SOX5: variants seen among roughly 807,000 people sequenced by gnomAD.
SOX5 encodes transcription factor SOX-5.
SOX5 carries 9 observed loss-of-function variants against 92.0 expected under a neutral mutation model. The ratio of observed to expected loss-of-function variants is 0.10; its 90% confidence interval spans 0.06 to 0.17. The LOEUF (loss-of-function observed/expected upper bound fraction) is 0.17, where lower values mean the gene tolerates loss of function less well. Among genes scored for constraint, SOX5 ranks in the 10% least tolerant of loss-of-function variants. The probability of loss-of-function intolerance (pLI) is 1.00; values close to 1 mark genes in which losing one functional copy is unlikely to be tolerated. For missense variants in SOX5, 642 were observed against 944.5 expected, an observed-to-expected ratio of 0.68 and a Z score of 4.20; for synonymous variants, 344 against 336.3, an observed-to-expected ratio of 1.02 and a Z score of -0.25.
chr12:23,612,895 T>G (rs1303395260), intron 8 of SOX5, among the ~76,000 whole-genome samples: 1 of 152,198 alleles, frequency 6.6e-6, no homozygotes, highest in Non-Finnish European at 1.5e-5. Context: ...CTAATGTAAC[T>G]TAAATGTGGA....
At chr12:24,442,691 G>A (rs533778319) in intron 1 of SOX5, among the ~76,000 whole-genome samples, 1 of 152,276 alleles carries the variant, frequency 6.6e-6, no homozygotes, top group South Asian at 2.1e-4. Flanking sequence ...AGAGGTGGGA[G>A]CTGTCCCAGC....
At chr12:24,126,139 C>G (rs1287993098) in intron 4 of SOX5, among the ~76,000 whole-genome samples, 1 of 152,218 alleles carries the variant, frequency 6.6e-6, no homozygotes, top group East Asian at 1.9e-4. Context: ...TGAAGTTCCT[C>G]AGGGCTATGT....
intron 6 of SOX5, 68 bp downstream of exon 6, chr12:23,734,616 T>C: frequency 1.8e-6 from 2 of 1,136,870 alleles, no homozygotes. Context: ...TTCAGTTAGG[T>C]ATTTAAGGAT....
chr12:24,227,631 G>A (rs1351867226), intron 3 of SOX5: 1 of 152,100 alleles, frequency 6.6e-6, no homozygotes, highest in East Asian at 1.9e-4. Flanking sequence ...GGGAACCTGG[G>A]GTGTGAATGG....
At chr12:23,622,528 A>AT (rs5797031) in intron 8 of SOX5, among the ~76,000 whole-genome samples, 85,569 of 151,816 alleles carry the variant, frequency 0.56, 24,459 homozygotes, top group African/African-American at 0.65. Context: ...AAAAAGGGTG[A>AT]TTTTTTTAAA....
chr12:24,121,540 A>G (rs1161637541), intron 4 of SOX5, among the ~76,000 whole-genome samples: 1 of 152,042 alleles, frequency 6.6e-6, no homozygotes, highest in Non-Finnish European at 1.5e-5. Flanking sequence ...AATGACCCAA[A>G]GAAATCAGCA....
At chr12:24,440,641 A>G in intron 1 of SOX5, among the ~76,000 whole-genome samples, 1 of 106,182 alleles carries the variant, frequency 9.4e-6, no homozygotes, top group South Asian at 3.4e-4. Context: ...TGTGTGTGTG[A>G]AGAACAGAAG....
In SOX5 at chr12:23,956,973, C is replaced by T. The variant is rs533636105; in HGVS notation, c.-1-60949G>A. Among the ~76,000 whole-genome samples the T allele has an allele frequency of 1.7e-3, 261 of 152,246 alleles. 2 individuals carry two copies. The highest frequency in any genetic ancestry group is 5.7e-3 in the African/African-American group (236 of 41,550). Reference sequence around the variant, plus strand: ...ATGAGCCACCATGCCCGGCCATTGCCTAAGTCTTTAATGTCTCAGAGAATG... The same window carrying T: ...ATGAGCCACCATGCCCGGCCATTGCTTAAGTCTTTAATGTCTCAGAGAATG... On this transcript the variant is annotated intron_variant, in intron 4 of 4. Transcript: ENST00000446891.
intron 2 of SOX5, among the ~76,000 whole-genome samples, chr12:23,885,502 C>T (rs2064150959): frequency 6.6e-6 from 1 of 152,216 alleles, no homozygotes; most frequent in Non-Finnish European, 1.5e-5. Context: ...GTAAACACTG[C>T]TCCTCTATAT....
rs548150394 is a variant in SOX5, at chr12:24,196,764, G to A, written c.-2+16579C>T. Among the ~76,000 whole-genome samples, 435 of 152,212 alleles carry A rather than the reference G, an allele frequency of 2.9e-3. 2 individuals carry two copies. The highest frequency in any genetic ancestry group is 6.5e-3 in the African/African-American group (268 of 41,546). On this transcript the variant is annotated intron_variant, in intron 4 of 4. Transcript: ENST00000446891. ...ACAAAAATACAAAAATGAGCCAGGC[G>A]TGGTGGTGCAAGCCTAGAGTCCCAA...
chr12:23,741,090 T>C (rs754504118), intron 4 of SOX5, 51 bp from the exon 5 acceptor site: 5 of 1,422,976 alleles, frequency 3.5e-6, no homozygotes, highest in Non-Finnish European at 4.7e-6. Context: ...AAAAAGTAAT[T>C]ATTTCAATGA....
chr12:23,621,384 T>A (rs1212238895), intron 8 of SOX5, among the ~76,000 whole-genome samples: 1 of 152,098 alleles, frequency 6.6e-6, no homozygotes, highest in Non-Finnish European at 1.5e-5. Flanking sequence ...TGGTGATGGT[T>A]ATATAACATT....
chr12:24,398,093 G>A lies in SOX5; in HGVS notation c.-250-29454C>T, dbSNP rs569422231. On this transcript the variant is annotated intron_variant, in intron 1 of 4. Coordinates refer to the SOX5 transcript ENST00000446891. ...TCTCTATCTCCTGACCTCACGATCC[G>A]CCCACCTCGGCCTCCCAAAGTGCTG... is the stretch of plus-strand genomic sequence containing the variant. 1.2e-4 allele frequency among the ~76,000 whole-genome samples: 18 copies of A among 152,156 alleles called. 1 individual carries two copies. Among genetic ancestry groups the A allele is most frequent in the African/African-American group, 3.6e-4 (15 of 41,522 alleles).
At chr12:24,142,612 G>A (rs935009280) in intron 4 of SOX5, among the ~76,000 whole-genome samples, 3 of 152,004 alleles carry the variant, frequency 2.0e-5, no homozygotes, top group Non-Finnish European at 4.4e-5. Flanking sequence ...TCTAAACAAT[G>A]GACCTAATAT....
At chr12:24,241,931 G>A (rs75621786) in intron 3 of SOX5, among the ~76,000 whole-genome samples, 18,305 of 152,084 alleles carry the variant, frequency 0.12, 1,513 homozygotes, top group Non-Finnish European at 0.17. Context: ...ATTTTTAAGT[G>A]AATTTAGGCA....
intron 4 of SOX5, among the ~76,000 whole-genome samples, chr12:24,097,466 C>T (rs1189934986): frequency 1.3e-5 from 2 of 150,234 alleles, no homozygotes; most frequent in Non-Finnish European, 3.0e-5. Context: ...ACATTTACCC[C>T]TATATTTTCT....
At chr12:24,338,506 T>C (rs1444738217) in intron 2 of SOX5, among the ~76,000 whole-genome samples, 1 of 152,226 alleles carries the variant, frequency 6.6e-6, no homozygotes, top group Non-Finnish European at 1.5e-5. Flanking sequence ...ATAAAGTTGA[T>C]ATTTAATGCT....
intron 4 of SOX5, among the ~76,000 whole-genome samples, chr12:24,200,992 C>T (rs951260754): frequency 3.9e-5 from 6 of 152,146 alleles, no homozygotes; most frequent in African/African-American, 1.4e-4. Context: ...GGAACCAGAC[C>T]TCCACCTCCC....
At chr12:23,722,455 G>C (rs1370816534) in intron 6 of SOX5, among the ~76,000 whole-genome samples, 1 of 152,026 alleles carries the variant, frequency 6.6e-6, no homozygotes, top group South Asian at 2.1e-4. Flanking sequence ...GCATCCATTT[G>C]GTCAAAGCTA....
Sources: gnomAD v4.1 joint callset for allele counts (sites outside exome capture counted in the v4.1 genomes callset) on GRCh38, gnomAD v4.1.1 for gene constraint, MANE v1.5 for transcripts, NCBI Gene and HGNC (gene_info 2026-07-23, HGNC 2026-07-21) for gene names.